PUDP: variants seen among roughly 807,000 people sequenced by gnomAD.
PUDP encodes pseudouridine 5'-phosphatase.
PUDP carries 8 observed loss-of-function variants against 9.4 expected under a neutral mutation model. The observed-to-expected ratio is 0.85, with a 90% CI of 0.50 to 1.53. PUDP has a LOEUF of 1.53. PUDP is among the 40% of genes most tolerant of loss of function. PUDP has a pLI of 0.00. For synonymous variants in PUDP, 99 were observed against 80.7 expected (o/e 1.23, Z -1.22); for missense variants, 188 against 189.7 (o/e 0.99, Z 0.05).
At chrX:6,758,390 G>A (rs777390787) in intron 3 of PUDP, among the ~76,000 whole-genome samples, 1 of 111,554 alleles carries the variant, frequency 9.0e-6, no homozygotes, top group African/African-American at 3.3e-5. Flanking sequence ...TTGAGCCCAG[G>A]AGGTTGAGGC....
intron 3 of PUDP, among the ~76,000 whole-genome samples, chrX:7,054,575 C>A (rs1199954218): frequency 1.8e-5 from 2 of 111,676 alleles, no homozygotes; most frequent in African/African-American, 6.5e-5. Context: ...GCACAAGACC[C>A]TTGCAAAGTT....
chrX:6,847,110 T>C, intron 3 of PUDP, among the ~76,000 whole-genome samples: 2 of 111,935 alleles, frequency 1.8e-5, no homozygotes, highest in South Asian at 7.5e-4. Flanking sequence ...AAATGAATGA[T>C]TTTAAAGGCA....
chrX:6,789,528 T>G (rs936730858), intron 3 of PUDP, among the ~76,000 whole-genome samples: 6 of 110,645 alleles, frequency 5.4e-5, no homozygotes, highest in Non-Finnish European at 9.4e-5. Context: ...TGACTGAGTC[T>G]GCAGTGTGAA....
chrX:7,020,577 T>C (rs1803256026), intron 1 of PUDP, among the ~76,000 whole-genome samples: 1 of 111,583 alleles, frequency 9.0e-6, no homozygotes, highest in Admixed American at 9.5e-5. Context: ...ATGTCTGTAA[T>C]ACACGCACAA....
chrX:6,967,184 G>T (rs1184424648), intron 3 of PUDP, among the ~76,000 whole-genome samples: 1 of 111,716 alleles, frequency 9.0e-6, no homozygotes, highest in Non-Finnish European at 1.9e-5. Context: ...ATCTGCAGCC[G>T]CCCTGGCCTT....
intron 3 of PUDP, among the ~76,000 whole-genome samples, chrX:6,734,519 T>C (rs1169304807): frequency 8.9e-6 from 1 of 112,100 alleles, no homozygotes; most frequent in Non-Finnish European, 1.9e-5. Flanking sequence ...ACGCCTGTAA[T>C]CCCAGTGCTT....
chrX:6,973,193 A>G (rs748534452), intron 3 of PUDP, among the ~76,000 whole-genome samples: 2 of 110,567 alleles, frequency 1.8e-5, no homozygotes, highest in African/African-American at 3.3e-5. Flanking sequence ...AGAGTTTTTC[A>G]TGTCTCTATC....
intron 3 of PUDP, among the ~76,000 whole-genome samples, chrX:6,967,223 C>T (rs1334062740): frequency 8.9e-6 from 1 of 111,876 alleles, no homozygotes; most frequent in Non-Finnish European, 1.9e-5. Flanking sequence ...CGCGGTTCCT[C>T]CCCCATGCTG....
intron 3 of PUDP, among the ~76,000 whole-genome samples, chrX:6,909,903 G>T (rs1184825723): frequency 8.9e-6 from 1 of 112,245 alleles, no homozygotes; most frequent in Non-Finnish European, 1.9e-5. Flanking sequence ...ATTTCCAGTT[G>T]CCCACTAAAG....
chrX:6,988,005 T>A (rs1329113980), intron 1 of PUDP, among the ~76,000 whole-genome samples: 4 of 112,106 alleles, frequency 3.6e-5, no homozygotes. Context: ...ACCAACATTC[T>A]GATTTCAAAG....
rs1156991923 is a variant in PUDP, at chrX:6,851,005, TC to T, written c.*247+126127del. 2.7e-5 allele frequency among the ~76,000 whole-genome samples: 3 copies of T among 112,300 alleles called. No individual in the cohort carries two copies. In the Admixed American group the frequency reaches 2.8e-4, roughly 11 times the overall value. On this transcript the variant is annotated intron_variant and NMD_transcript_variant, in intron 3 of 3. Transcript: ENST00000655425. The stretch of plus-strand genomic sequence containing the variant: ...TGAAAAGTTCATTTTTAATCACATC[TC>T]CCAGGCATCTAACTTATTTGTAGGC...
intron 3 of PUDP, among the ~76,000 whole-genome samples, chrX:6,861,625 A>C (rs1431111552): frequency 8.9e-6 from 1 of 111,988 alleles, no homozygotes; most frequent in Non-Finnish European, 1.9e-5. Flanking sequence ...GTTCTTACAG[A>C]TATATTAGTC....
chrX:6,713,948 AGT>A (rs1317931094), intron 1 of PUDP, among the ~76,000 whole-genome samples: 1 of 111,286 alleles, frequency 9.0e-6, no homozygotes, highest in Non-Finnish European at 1.9e-5. Context: ...CCCAGGATCG[AGT>A]GCAATGATTT....
intron 1 of PUDP, among the ~76,000 whole-genome samples, chrX:7,028,163 T>C (rs1376767813): frequency 2.8e-5 from 3 of 108,689 alleles, no homozygotes; most frequent in Non-Finnish European, 5.7e-5. Context: ...AGATACATAG[T>C]CTAGACTATA....
intron 1 of PUDP, among the ~76,000 whole-genome samples, chrX:7,142,021 T>G (rs1309264111): frequency 8.9e-6 from 1 of 112,258 alleles, no homozygotes; most frequent in African/African-American, 3.2e-5. Context: ...ACGTACCTGG[T>G]CACCCAAGAG....
At chrX:6,748,173 C>T (rs1258725375) in intron 3 of PUDP, among the ~76,000 whole-genome samples, 1 of 111,677 alleles carries the variant, frequency 9.0e-6, no homozygotes, top group Non-Finnish European at 1.9e-5. Flanking sequence ...CTGGTAGAAA[C>T]TGTGCAAATG....
intron 3 of PUDP, among the ~76,000 whole-genome samples, chrX:6,816,098 G>C (rs1312901071): frequency 9.4e-6 from 1 of 106,335 alleles, no homozygotes; most frequent in African/African-American, 3.4e-5. Context: ...AATCTGCTGA[G>C]AGGCTTAAAC....
intron 1 of PUDP, among the ~76,000 whole-genome samples, chrX:7,119,383 A>G: frequency 8.9e-6 from 1 of 112,751 alleles, no homozygotes; most frequent in Non-Finnish European, 1.9e-5. Flanking sequence ...CACCTTTACA[A>G]ATGAGCCTGC....
intron 3 of PUDP, among the ~76,000 whole-genome samples, chrX:7,056,033 C>T (rs62588682): frequency 0.064 from 7,103 of 111,311 alleles, 239 homozygotes; most frequent in Non-Finnish European, 0.093. Flanking sequence ...CATGTTTTCA[C>T]TTAGGGGGCA....
Sources: allele counts gnomAD v4.1 joint callset (sites outside exome capture counted in the v4.1 genomes callset), GRCh38; gene constraint gnomAD v4.1.1; transcripts MANE v1.5; gene names NCBI Gene and HGNC (gene_info 2026-07-23, HGNC 2026-07-21).